The following UBE2K variants were observed in gnomAD, a reference collection of about 807,000 sequenced individuals.
UBE2K encodes ubiquitin conjugating enzyme E2 K.
A neutral mutation model predicts 30.0 loss-of-function variants in UBE2K; 6 were observed. The observed-to-expected ratio is 0.20, with a 90% CI of 0.11 to 0.39. The LOEUF (loss-of-function observed/expected upper bound fraction) is 0.39, where lower values mean the gene tolerates loss of function less well. UBE2K is among the 10% of genes least tolerant of loss of function. The pLI, the probability that UBE2K is intolerant of heterozygous loss-of-function variation, is 1.00. For synonymous variants in UBE2K, 86 were observed against 83.7 expected, an observed-to-expected ratio of 1.03 and a Z score of -0.15; for missense variants, 61 against 241.6, an observed-to-expected ratio of 0.25 and a Z score of 4.96.
At chr4:39,741,777 A>G (rs1249242094) in intron 2 of UBE2K, among the ~76,000 whole-genome samples, 1 of 152,174 alleles carries the variant, frequency 6.6e-6, no homozygotes, top group Non-Finnish European at 1.5e-5. Flanking sequence ...TTTTAGGTTT[A>G]TGGAATCATT....
intron 1 of UBE2K, among the ~76,000 whole-genome samples, chr4:39,704,600 C>T (rs372068770): frequency 3.1e-4 from 47 of 152,084 alleles, no homozygotes; most frequent in African/African-American, 1.0e-3. Flanking sequence ...AATGCAGTGG[C>T]GTGATCACAG....
intron 1 of UBE2K, among the ~76,000 whole-genome samples, chr4:39,731,551 G>A (rs751558746): frequency 2.0e-5 from 3 of 151,912 alleles, no homozygotes; most frequent in Non-Finnish European, 2.9e-5. Flanking sequence ...GCGTGGTGGC[G>A]GGCGCCTGTA....
intron 1 of UBE2K, among the ~76,000 whole-genome samples, chr4:39,713,332 G>C (rs1241096681): frequency 8.6e-6 from 1 of 115,874 alleles, no homozygotes; most frequent in African/African-American, 3.5e-5. Context: ...AGTAAGGCTG[G>C]AGTCTTGTTC....
intron 1 of UBE2K, among the ~76,000 whole-genome samples, chr4:39,708,160 G>A (rs1309650438): frequency 1.3e-5 from 2 of 151,934 alleles, no homozygotes; most frequent in African/African-American, 2.4e-5. Flanking sequence ...TTGGCCTCCC[G>A]AAGTGCTGGG....
chr4:39,743,062 G>C (rs966659623), intron 2 of UBE2K, among the ~76,000 whole-genome samples: 1 of 151,314 alleles, frequency 6.6e-6, no homozygotes, highest in African/African-American at 2.4e-5. Context: ...AAAAAAAAGA[G>C]AAGGATTCGA....
At chr4:39,776,445 T>C (rs1248408667) in intron 5 of UBE2K, among the ~76,000 whole-genome samples, 5 of 152,192 alleles carry the variant, frequency 3.3e-5, no homozygotes, top group Admixed American at 6.5e-5. Flanking sequence ...AAAAACTTGT[T>C]CGTAGCTCTA....
rs180680822 is a variant in UBE2K, at chr4:39,737,605, T to C, written c.157+92T>C. 63 of 812,602 alleles carry C rather than the reference T, an allele frequency of 7.8e-5. No individual in the cohort carries two copies. In the East Asian group the frequency reaches 1.2e-3, roughly 16 times the overall value. The allele number at this position is 812,602 out of a possible 1,614,324, so 50.3% of individuals were successfully genotyped here. A position where few individuals can be genotyped will look rare whatever the true frequency, so the allele number is the denominator to read the frequency against. ...TAATCTTAAACATCTATAAATTATA[T>C]GGAGGGTAACTTCATTTGGTTTAGA... is the stretch of plus-strand genomic sequence containing the variant. On this transcript the variant is annotated intron_variant, in intron 2 of 6. Coordinates refer to ENST00000261427, the MANE Select transcript of UBE2K (RefSeq NM_005339.5).
chr4:39,762,882 G>T (rs2109389316), intron 4 of UBE2K, among the ~76,000 whole-genome samples: 1 of 149,710 alleles, frequency 6.7e-6, no homozygotes, highest in African/African-American at 2.5e-5. Context: ...TCTGCCCTCG[G>T]CCTCCTAAAG....
chr4:39,781,993 C>A lies in UBE2K; in HGVS notation c.*3559C>A. The A allele has an allele frequency of 2.5e-6, 1 of 398,344 alleles. No homozygotes were observed. Among genetic ancestry groups the A allele is most frequent in the South Asian group, 1.3e-4 (1 of 7,844 alleles). The allele number at this position is 398,344 out of a possible 1,614,324, so 24.7% of individuals were successfully genotyped here. A position where few individuals can be genotyped will look rare whatever the true frequency, so the allele number is the denominator to read the frequency against. ...TTTCTTCAGTGTCTACATATTATGT[C>A]ACACGTTCTATTTGCACTGCTGCAA... On this transcript the variant is annotated 3_prime_UTR_variant, in exon 7 of 7. Transcript: ENST00000261427.
intron 4 of UBE2K, among the ~76,000 whole-genome samples, chr4:39,769,573 T>A (rs1044876482): frequency 1.3e-5 from 2 of 151,690 alleles, no homozygotes; most frequent in Non-Finnish European, 2.9e-5. Context: ...TGTCTCCCCC[T>A]TCCTTTTCTG....
chr4:39,737,868 T>C (rs911554054), intron 2 of UBE2K, among the ~76,000 whole-genome samples: 13 of 152,192 alleles, frequency 8.5e-5, no homozygotes, highest in African/African-American at 3.1e-4. Context: ...GCCTTAAATA[T>C]CTCATTGGTA....
chr4:39,714,544 A>ATTT (rs1337587267), intron 1 of UBE2K: 130 of 21,064 alleles, frequency 6.2e-3, no homozygotes, highest in Middle Eastern at 0.017. Flanking sequence ...ATATATATAT[A>ATTT]TATATATTTT....
At chr4:39,714,395 TCTG>T (rs1038576549) in intron 1 of UBE2K, 2 of 167,776 alleles carry the variant, frequency 1.2e-5, no homozygotes, top group Non-Finnish European at 2.8e-5. Flanking sequence ...CTGGGACACT[TCTG>T]CTTATTTTTT....
At chr4:39,702,231 C>CTTTTTTTTTTTTTTTTTTTTTT (rs564712672) in intron 1 of UBE2K, among the ~76,000 whole-genome samples, 1 of 67,388 alleles carries the variant, frequency 1.5e-5, no homozygotes, top group Admixed American at 1.7e-4. Flanking sequence ...CTTTTCTTTT[C>CTTTTTTTTTTTTTTTTTTTTTT]TTTTTTTTTT....
At chr4:39,770,897 C>T in intron 4 of UBE2K, 1 of 1,544,474 alleles carries the variant, frequency 6.5e-7, no homozygotes, top group Non-Finnish European at 8.7e-7. Context: ...ACTCCAGCTT[C>T]ACTGGCCGCA....
chr4:39,704,909 T>C (rs1220440293), intron 1 of UBE2K, among the ~76,000 whole-genome samples: 1 of 148,732 alleles, frequency 6.7e-6, no homozygotes, highest in Non-Finnish European at 1.5e-5. Flanking sequence ...TCTCCCTCTG[T>C]CGCCCAGGCT....
In UBE2K at chr4:39,737,446, T is replaced by C; in HGVS notation, c.90T>C (p.Asp30=). The C allele has an allele frequency of 6.4e-7, 1 of 1,571,226 alleles. No homozygotes were observed. The highest frequency in any genetic ancestry group is 8.6e-7 in the Non-Finnish European group (1 of 1,166,244). ...CGAGCAAAAATCAAATTAAAGTAGA[T>C]CTTGTAGATGAGAATTTTACAGAAT... ...EETSKNQIKV[D]LVDENFTELR... Residue 30 remains aspartate, a synonymous_variant, in exon 2 of 7, where the codon GAT becomes GAC. Coordinates refer to ENST00000261427, the MANE Select transcript of UBE2K (RefSeq NM_005339.5).
intron 4 of UBE2K, among the ~76,000 whole-genome samples, chr4:39,772,691 CTT>C (rs372017743): frequency 2.1e-5 from 3 of 145,616 alleles, no homozygotes; most frequent in Non-Finnish European, 3.0e-5. Flanking sequence ...GATAAAGCAA[CTT>C]TTTTTTTTTT....
chr4:39,772,397 C>A (rs865785179), intron 4 of UBE2K, among the ~76,000 whole-genome samples: 69 of 127,194 alleles, frequency 5.4e-4, no homozygotes, highest in African/African-American at 5.8e-4. Context: ...CTGTCTCTAC[C>A]AAAAAAAAAA....
Sources: allele counts gnomAD v4.1 joint callset (sites outside exome capture counted in the v4.1 genomes callset), GRCh38; gene constraint gnomAD v4.1.1; transcripts MANE v1.5; gene names NCBI Gene and HGNC (gene_info 2026-07-23, HGNC 2026-07-21).